The following THSD4 variants were observed in gnomAD, a reference collection of about 807,000 sequenced individuals.
THSD4 encodes thrombospondin type 1 domain containing 4, also known as thrombospondin type-1 domain-containing protein 4.
Under a neutral mutation model 119.0 loss-of-function variants are expected in THSD4, and 69 were observed. The ratio of observed to expected loss-of-function variants is 0.58; its 90% CI spans 0.48 to 0.71. The LOEUF is 0.71. THSD4 is among the 30% of genes least tolerant of loss of function. The pLI is 0.00. For synonymous variants in THSD4, 524 were observed against 540.4 expected, an observed-to-expected ratio of 0.97 and a Z score of 0.42; for missense variants, 1,393 against 1,391.1, an observed-to-expected ratio of 1.00 and a Z score of -0.02.
intron 11 of THSD4, among the ~76,000 whole-genome samples, chr15:71,738,472 T>G (rs1201245200): frequency 6.6e-6 from 1 of 152,100 alleles, no homozygotes; most frequent in Non-Finnish European, 1.5e-5. Context: ...AACACCACCC[T>G]CAGGTTTAAT....
At chr15:71,620,835 T>A (rs2050406516) in intron 7 of THSD4, among the ~76,000 whole-genome samples, 1 of 151,956 alleles carries the variant, frequency 6.6e-6, no homozygotes, top group South Asian at 2.1e-4. Context: ...AACTCTCAGG[T>A]GGGGTAGAGG....
In THSD4 at chr15:71,324,138, A is replaced by G. The variant is rs374519880; in HGVS notation, c.1015+67423A>G. ...AGGTATACTCTGTATCTGTTTATAT[A>G]TTGGGGTCCTTTGGAAGGTAGCAAA... On this transcript the variant is annotated intron_variant, in intron 6 of 17. Coordinates refer to ENST00000261862, the MANE Select transcript of THSD4 (RefSeq NM_024817.3). Among the ~76,000 whole-genome samples, 198 of 151,338 alleles carry G rather than the reference A, an allele frequency of 1.3e-3. 12 individuals are homozygous for G. In the South Asian group the frequency reaches 0.04, roughly 31 times the overall value.
At chr15:71,493,591 G>T (rs1368936625) in intron 7 of THSD4, among the ~76,000 whole-genome samples, 1 of 152,160 alleles carries the variant, frequency 6.6e-6, no homozygotes, top group Non-Finnish European at 1.5e-5. Context: ...AATGTGGGGC[G>T]TTAGCTTTAC....
chr15:71,700,283 T>C (rs1216631069), intron 8 of THSD4, among the ~76,000 whole-genome samples: 1 of 152,154 alleles, frequency 6.6e-6, no homozygotes, highest in Non-Finnish European at 1.5e-5. Flanking sequence ...AGCTTTCCTA[T>C]ATATAAGCAA....
chr15:71,583,085 G>A (rs995153102), intron 7 of THSD4, among the ~76,000 whole-genome samples: 2 of 152,060 alleles, frequency 1.3e-5, no homozygotes, highest in Non-Finnish European at 2.9e-5. Context: ...AGGAATTACT[G>A]ATTCTATCTC....
At chr15:71,662,377 A>T (rs1247667928) in intron 8 of THSD4, among the ~76,000 whole-genome samples, 1 of 152,150 alleles carries the variant, frequency 6.6e-6, no homozygotes, top group Non-Finnish European at 1.5e-5. Flanking sequence ...CAGAAAACCT[A>T]GTTTCCCAGT....
chr15:71,195,291 G>C (rs1195318589), intron 3 of THSD4, among the ~76,000 whole-genome samples: 1 of 152,184 alleles, frequency 6.6e-6, no homozygotes, highest in Non-Finnish European at 1.5e-5. Context: ...GGCAACTCTA[G>C]CATATATAAA....
rs1341901142 is a variant in THSD4, at chr15:71,777,512, G to A, written c.*138G>A. 1.8e-5 allele frequency: 22 copies of A among 1,209,936 alleles called. No individual in the cohort carries two copies. Among genetic ancestry groups the A allele is most frequent in the Middle Eastern group, 2.8e-4 (1 of 3,544 alleles). The allele number at this position is 1,209,936 out of a possible 1,614,324, so 75.0% of individuals were successfully genotyped here. On this transcript the variant is annotated 3_prime_UTR_variant, in exon 18 of 18. Transcript: ENST00000261862. ...CAACTTAGTCACCACCCCTGCCTCC[G>A]GTGAATGCACCCCGTGGTACCCAGG... is the stretch of plus-strand genomic sequence containing the variant.
At chr15:71,121,981 G>C (rs2040412701) in intron 1 of THSD4, among the ~76,000 whole-genome samples, 1 of 152,130 alleles carries the variant, frequency 6.6e-6, no homozygotes, top group Admixed American at 6.5e-5. Flanking sequence ...GTTTATTGCT[G>C]GTTGTAAGGT....
chr15:71,374,033 A>T (rs1469757593), intron 6 of THSD4, among the ~76,000 whole-genome samples: 2 of 152,220 alleles, frequency 1.3e-5, no homozygotes, highest in East Asian at 3.8e-4. Context: ...AAGAGGGTAG[A>T]CCTGGAATGA....
chr15:71,397,150 C>T (rs896523263), intron 6 of THSD4, among the ~76,000 whole-genome samples: 2 of 152,152 alleles, frequency 1.3e-5, no homozygotes, highest in Admixed American at 1.3e-4. Flanking sequence ...TCTACTTCAG[C>T]GATGAGGAAT....
chr15:71,233,732 A>T (rs1454836625), intron 4 of THSD4, among the ~76,000 whole-genome samples: 1 of 152,230 alleles, frequency 6.6e-6, no homozygotes, highest in African/African-American at 2.4e-5. Context: ...CCACTCAGGT[A>T]TGCAGAACAC....
intron 1 of THSD4, among the ~76,000 whole-genome samples, chr15:71,120,481 C>T (rs1007277562): frequency 3.7e-4 from 57 of 152,304 alleles, no homozygotes; most frequent in African/African-American, 1.2e-3. Flanking sequence ...GGGCGTGGTC[C>T]GAGGGCAGTG....
At chr15:71,303,235 G>A (rs536969453) in intron 6 of THSD4, among the ~76,000 whole-genome samples, 123 of 152,276 alleles carry the variant, frequency 8.1e-4, no homozygotes, top group African/African-American at 2.7e-3. Flanking sequence ...ACTAGCTCTG[G>A]GCGCCGCGCA....
At chr15:71,684,208 G>GT (rs1168020713) in intron 8 of THSD4, among the ~76,000 whole-genome samples, 3 of 151,898 alleles carry the variant, frequency 2.0e-5, no homozygotes, top group East Asian at 3.9e-4. Context: ...AAAGTTATGG[G>GT]TTTTTTTATA....
At chr15:71,621,938 G>A (rs1159120268) in intron 7 of THSD4, among the ~76,000 whole-genome samples, 1 of 152,196 alleles carries the variant, frequency 6.6e-6, no homozygotes, top group East Asian at 1.9e-4. Context: ...AGACTTCTTT[G>A]TAATCATGAT....
intron 7 of THSD4, among the ~76,000 whole-genome samples, chr15:71,508,615 C>T (rs4130854): frequency 0.11 from 17,303 of 152,088 alleles, 1,214 homozygotes; most frequent in African/African-American, 0.19. Context: ...CTTCTCAGTT[C>T]CTCATCTGCA....
At chr15:71,623,680 G>A (rs1446606826) in intron 7 of THSD4, among the ~76,000 whole-genome samples, 1 of 152,160 alleles carries the variant, frequency 6.6e-6, no homozygotes, top group Non-Finnish European at 1.5e-5. Context: ...CCCAGCACTT[G>A]AGAGGCCGAG....
At chr15:71,395,771 TG>T in intron 6 of THSD4, among the ~76,000 whole-genome samples, 1 of 152,072 alleles carries the variant, frequency 6.6e-6, no homozygotes, top group African/African-American at 2.4e-5. Context: ...TGGTGCGAGC[TG>T]GGGTTCCTTG....
Sources: allele counts gnomAD v4.1 joint callset (sites outside exome capture counted in the v4.1 genomes callset), GRCh38; gene constraint gnomAD v4.1.1; transcripts MANE v1.5; gene names NCBI Gene and HGNC (gene_info 2026-07-23, HGNC 2026-07-21).